CHODL: variants seen among roughly 807,000 people sequenced by gnomAD.
The protein encoded by CHODL is transmembrane protein MT75.
In CHODL, 29 loss-of-function variants were observed where a neutral mutation model predicts 34.5. That is an observed-to-expected ratio of 0.84 (90% confidence interval 0.63 to 1.15). CHODL has a LOEUF of 1.15. Among genes scored for constraint, CHODL ranks in the 50% most tolerant of loss-of-function variants. The pLI, the probability that CHODL is intolerant of heterozygous loss-of-function variation, is 0.00. For synonymous variants in CHODL, 125 were observed against 116.1 expected (o/e 1.08, Z -0.49); for missense variants, 332 against 332.5 (o/e 1.00, Z 0.01).
chr21:18,126,035 G>T (rs2065539677), intron 2 of CHODL, among the ~76,000 whole-genome samples: 1 of 152,168 alleles, frequency 6.6e-6, no homozygotes, highest in Non-Finnish European at 1.5e-5. Flanking sequence ...AAATGCAACA[G>T]TCTATAGTCC....
intron 2 of CHODL, among the ~76,000 whole-genome samples, chr21:18,140,093 A>G (rs2072783321): frequency 6.6e-6 from 1 of 152,126 alleles, no homozygotes; most frequent in Non-Finnish European, 1.5e-5. Flanking sequence ...GCCTTCCCAG[A>G]CTGATTTAAT....
chr21:18,003,048 C>CG (rs1295249459), intron 1 of CHODL, among the ~76,000 whole-genome samples: 1 of 148,742 alleles, frequency 6.7e-6, no homozygotes, highest in African/African-American at 2.5e-5. Flanking sequence ...GCGTGAACCC[C>CG]GGGGGGCGGA....
chr21:18,263,860 G>T (rs73206966), intron 5 of CHODL, among the ~76,000 whole-genome samples: 20,821 of 149,610 alleles, frequency 0.14, 2,357 homozygotes, highest in African/African-American at 0.32. Context: ...AAGTAATTCT[G>T]AAATGAAATA....
chr21:18,032,583 A>T (rs2146441657), intron 2 of CHODL, among the ~76,000 whole-genome samples: 1 of 152,208 alleles, frequency 6.6e-6, no homozygotes, highest in Non-Finnish European at 1.5e-5. Context: ...CAGGAAAATG[A>T]CAGGTGGTTA....
intron 3 of CHODL, among the ~76,000 whole-genome samples, chr21:18,259,565 G>A (rs969104322): frequency 5.3e-5 from 8 of 152,166 alleles, no homozygotes; most frequent in African/African-American, 1.4e-4. Context: ...GGAAATTGAA[G>A]AGACATCTAT....
intron 2 of CHODL, among the ~76,000 whole-genome samples, chr21:18,035,082 G>A (rs2064294121): frequency 6.6e-6 from 1 of 151,972 alleles, no homozygotes; most frequent in Non-Finnish European, 1.5e-5. Flanking sequence ...GGTCTTACTA[G>A]CAGAAGATTG....
intron 2 of CHODL, among the ~76,000 whole-genome samples, chr21:18,130,769 C>T (rs925771161): frequency 2.0e-5 from 3 of 152,166 alleles, no homozygotes; most frequent in Admixed American, 1.3e-4. Flanking sequence ...TATTCGAAAT[C>T]GATAGATATG....
intron 2 of CHODL, among the ~76,000 whole-genome samples, chr21:18,116,077 T>C (rs151166638): frequency 6.6e-6 from 1 of 152,334 alleles, no homozygotes; most frequent in East Asian, 1.9e-4. Flanking sequence ...ATTTATTTCT[T>C]GAATTTTAGT....
At chr21:18,265,279 G>GTATATA (rs201101374) in intron 5 of CHODL, among the ~76,000 whole-genome samples, 1 of 136,742 alleles carries the variant, frequency 7.3e-6, no homozygotes, top group African/African-American at 3.1e-5. Context: ...ATATGTGTGT[G>GTATATA]TATATATATA....
chr21:17,937,307 T>G (rs2063326946), intron 1 of CHODL, among the ~76,000 whole-genome samples: 1 of 152,098 alleles, frequency 6.6e-6, no homozygotes, highest in African/African-American at 2.4e-5. Flanking sequence ...AATACCTGGT[T>G]GTGATTACAG....
At chr21:18,159,255 C>A (rs1044075377) in intron 2 of CHODL, among the ~76,000 whole-genome samples, 3 of 152,100 alleles carry the variant, frequency 2.0e-5, no homozygotes, top group Non-Finnish European at 4.4e-5. Context: ...GTTGACAAAC[C>A]CTGGCATAAG....
chr21:18,038,234 C>T (rs561689055), intron 2 of CHODL, among the ~76,000 whole-genome samples: 185 of 151,610 alleles, frequency 1.2e-3, no homozygotes, highest in South Asian at 3.1e-3. Flanking sequence ...TGTGCATTTC[C>T]CCAAGGTGTC....
intron 2 of CHODL, among the ~76,000 whole-genome samples, chr21:18,165,114 T>TCA (rs1018178877): frequency 1.5e-4 from 23 of 152,222 alleles, no homozygotes; most frequent in African/African-American, 5.3e-4. Flanking sequence ...TGACCTCTAT[T>TCA]CACTAGATGT....
intron 1 of CHODL, among the ~76,000 whole-genome samples, chr21:18,246,789 T>A (rs2074147145): frequency 6.6e-6 from 1 of 152,160 alleles, no homozygotes; most frequent in Non-Finnish European, 1.5e-5. Flanking sequence ...AAATAATATC[T>A]AAAGTAAAAA....
intron 1 of CHODL, among the ~76,000 whole-genome samples, chr21:18,019,755 A>T (rs1474626246): frequency 6.6e-6 from 1 of 152,218 alleles, no homozygotes; most frequent in Admixed American, 6.5e-5. Flanking sequence ...TTCATCTCTT[A>T]CGCACATTAC....
chr21:18,248,631 A>G (rs1449972725), intron 1 of CHODL, among the ~76,000 whole-genome samples: 1 of 130,746 alleles, frequency 7.6e-6, no homozygotes, highest in African/African-American at 3.0e-5. Context: ...TAATATATAT[A>G]ATACATATAT....
intron 1 of CHODL, among the ~76,000 whole-genome samples, chr21:17,919,602 C>T (rs958115072): frequency 2.0e-5 from 3 of 152,082 alleles, no homozygotes; most frequent in African/African-American, 7.2e-5. Flanking sequence ...ATAAGAGGGG[C>T]TGCCACAAAC....
At chr21:18,042,495 A>G (rs371224388) in intron 2 of CHODL, among the ~76,000 whole-genome samples, 2 of 152,154 alleles carry the variant, frequency 1.3e-5, no homozygotes, top group East Asian at 3.9e-4. Context: ...TTTGTAGATA[A>G]GGAACTTAAA....
At chr21:18,100,740 T>C (rs1476830927) in intron 2 of CHODL, among the ~76,000 whole-genome samples, 2 of 152,152 alleles carry the variant, frequency 1.3e-5, no homozygotes, top group African/African-American at 4.8e-5. Context: ...AAAGAGTCAT[T>C]CAGGAATGAT....
Sources: gnomAD v4.1 joint callset for allele counts (sites outside exome capture counted in the v4.1 genomes callset) on GRCh38, gnomAD v4.1.1 for gene constraint, MANE v1.5 for transcripts, NCBI Gene and HGNC (gene_info 2026-07-23, HGNC 2026-07-21) for gene names.